Variants in FBXL17 observed in about 807,000 individuals in gnomAD.
FBXL17 encodes F-box/LRR-repeat protein 17.
In FBXL17, 22 loss-of-function variants were observed where a neutral mutation model predicts 66.2. The observed-to-expected ratio is 0.33, with a 90% CI of 0.24 to 0.47. The LOEUF (loss-of-function observed/expected upper bound fraction) is 0.47. Ranked by LOEUF, FBXL17 falls within the 20% of genes least tolerant of loss-of-function variation. The pLI, the probability that FBXL17 is intolerant of heterozygous loss-of-function variation, is 1.00. For synonymous variants in FBXL17, 474 were observed against 400.5 expected, an observed-to-expected ratio of 1.18 and a Z score of -2.19; for missense variants, 878 against 948.2, an observed-to-expected ratio of 0.93 and a Z score of 0.97.
intron 7 of FBXL17, among the ~76,000 whole-genome samples, chr5:107,978,807 C>T (rs1752689889): frequency 6.6e-6 from 1 of 152,180 alleles, no homozygotes; most frequent in South Asian, 2.1e-4. Flanking sequence ...ACTCTGTTGT[C>T]TTGCATGTGG....
chr5:107,985,748 A>G (rs1367201558), intron 7 of FBXL17, among the ~76,000 whole-genome samples: 5 of 152,224 alleles, frequency 3.3e-5, no homozygotes, highest in African/African-American at 7.2e-5. Flanking sequence ...TCAAAAAACA[A>G]TAACACCATG....
At chr5:108,359,775 G>A (rs73781338) in intron 3 of FBXL17, among the ~76,000 whole-genome samples, 10,366 of 152,064 alleles carry the variant, frequency 0.068, 1,202 homozygotes, top group African/African-American at 0.24. Context: ...TTCTTTTGTT[G>A]TTGAGTGTAC....
At chr5:107,910,222 A>G (rs1749904414) in intron 7 of FBXL17, among the ~76,000 whole-genome samples, 1 of 152,092 alleles carries the variant, frequency 6.6e-6, no homozygotes, top group Non-Finnish European at 1.5e-5. Flanking sequence ...AAATAATACA[A>G]TTGGGCCTGA....
At chr5:108,007,683 CACTTATGAACAATATTTAAAAAGTAT>C (rs1253673649) in intron 7 of FBXL17, among the ~76,000 whole-genome samples, 1 of 150,496 alleles carries the variant, frequency 6.6e-6, no homozygotes, top group African/African-American at 2.5e-5. Flanking sequence ...ATCAAGACCA[CACTTATGAACAATATTTAAAAAGTAT>C]ATTTTTTCAT....
chr5:108,115,804 G>A lies in FBXL17; in HGVS notation c.1745+70313C>T, dbSNP rs113139454. Among the ~76,000 whole-genome samples the A allele has an allele frequency of 1.2e-3, 176 of 152,304 alleles. 1 individual carries two copies. The highest frequency in any genetic ancestry group is 2.2e-3 in the Non-Finnish European group (149 of 68,022). ...AGAATTAGAGCTATCAGAGATCAAA[G>A]AGAAGGCCCCAAGATATCTTCTCAT... is the stretch of plus-strand genomic sequence containing the variant. On this transcript the variant is annotated intron_variant, in intron 6 of 8. Coordinates refer to ENST00000542267, the MANE Select transcript of FBXL17 (RefSeq NM_001163315.3).
At chr5:107,879,832 G>C in intron 8 of FBXL17, 1 of 985,446 alleles carries the variant, frequency 1.0e-6, no homozygotes. Context: ...TTTTCCAAGG[G>C]AAGCAGTCCC....
At chr5:108,310,675 T>G (rs1034346110) in intron 4 of FBXL17, among the ~76,000 whole-genome samples, 2 of 152,176 alleles carry the variant, frequency 1.3e-5, no homozygotes, top group African/African-American at 4.8e-5. Flanking sequence ...AAATTAAGAT[T>G]ATGTATGTTA....
At chr5:108,143,726 GAAAAAAAAA>G (rs67537467) in intron 6 of FBXL17, among the ~76,000 whole-genome samples, 64 of 107,526 alleles carry the variant, frequency 6.0e-4, no homozygotes, top group Admixed American at 1.2e-3. Flanking sequence ...GTTTTCATGG[GAAAAAAAAA>G]AAAAAAAAAA....
rs73778620 is a variant in FBXL17, at chr5:108,020,786, T to C, written c.1822+139A>G. The stretch of plus-strand genomic sequence containing the variant: ...TTAGCTCATAATTTTTTTATTTTTA[T>C]TTTTTGGTATGGTCACAATGAGCAT... On this transcript the variant is annotated intron_variant, in intron 7 of 8. Coordinates refer to ENST00000542267, the MANE Select transcript of FBXL17 (RefSeq NM_001163315.3). The C allele has an allele frequency of 0.016, 9,519 of 581,242 alleles. 713 individuals carry two copies. The highest frequency in any genetic ancestry group is 0.16 in the African/African-American group (8,358 of 53,680). The allele number at this position is 581,242 out of a possible 1,614,324, so 36.0% of individuals were successfully genotyped here.
At chr5:108,374,634 C>G (rs898280371) in intron 1 of FBXL17, among the ~76,000 whole-genome samples, 3 of 151,938 alleles carry the variant, frequency 2.0e-5, no homozygotes, top group African/African-American at 7.3e-5. Flanking sequence ...CATGATCACA[C>G]CACTGCACTC....
intron 6 of FBXL17, among the ~76,000 whole-genome samples, chr5:108,087,999 T>G (rs1749036751): frequency 6.6e-6 from 1 of 152,140 alleles, no homozygotes; most frequent in Admixed American, 6.6e-5. Flanking sequence ...TTATTGCCCG[T>G]TTTTATTAAA....
Position 108,100,077 on chromosome 5 carries a change from T to C in FBXL17, c.1746-79076A>G, listed in dbSNP as rs115487146. Among the ~76,000 whole-genome samples the C allele has an allele frequency of 5.4e-3, 828 of 152,308 alleles. 6 individuals are homozygous for C. Among genetic ancestry groups the C allele is most frequent in the African/African-American group, 0.019 (792 of 41,566 alleles). The stretch of plus-strand genomic sequence containing the variant: ...CTCAATGACCTAAGCATTTCAGGTA[T>C]CATACTATTTATAGTATGATTTTTA... On this transcript the variant is annotated intron_variant, in intron 6 of 8. Transcript: ENST00000542267.
At chr5:108,154,489 CT>C (rs1210369522) in intron 6 of FBXL17, among the ~76,000 whole-genome samples, 1 of 148,588 alleles carries the variant, frequency 6.7e-6, no homozygotes, top group African/African-American at 2.5e-5. Flanking sequence ...ACTCGGGAGT[CT>C]GAGGCAGGAG....
intron 7 of FBXL17, among the ~76,000 whole-genome samples, chr5:108,018,189 G>C (rs1754455328): frequency 6.6e-6 from 1 of 152,124 alleles, no homozygotes; most frequent in Non-Finnish European, 1.5e-5. Context: ...GTCTCTTAAA[G>C]GATGAATTTC....
chr5:108,089,681 CT>C (rs1749117179), intron 6 of FBXL17, among the ~76,000 whole-genome samples: 1 of 152,190 alleles, frequency 6.6e-6, no homozygotes, highest in African/African-American at 2.4e-5. Context: ...AGACCCACAG[CT>C]TTTTTCCCCT....
chr5:108,351,465 G>A (rs944086175), intron 3 of FBXL17, among the ~76,000 whole-genome samples: 4 of 152,112 alleles, frequency 2.6e-5, no homozygotes, highest in African/African-American at 9.7e-5. Context: ...TTAATAAACT[G>A]GATATTTTCA....
chr5:107,863,488 T>G (rs373354623), intron 8 of FBXL17, among the ~76,000 whole-genome samples: 1 of 151,268 alleles, frequency 6.6e-6, no homozygotes, highest in African/African-American at 2.4e-5. Flanking sequence ...CCCAGCAAAT[T>G]TGGATCACTG....
rs114427945 is a variant in FBXL17 at position 107,895,857 on chromosome 5, T to C, written c.1823-14678A>G. 1.4e-3 allele frequency among the ~76,000 whole-genome samples: 211 copies of C among 152,248 alleles called. 1 individual carries two copies. Among genetic ancestry groups the C allele is most frequent in the Non-Finnish European group, 2.3e-3 (158 of 68,014 alleles). ...CTCCCAGGTTTCTATGTTCAAGAGGTTACATGGTATTAATAACAATGATTT... is the reference window on the plus strand; with the variant it reads ...CTCCCAGGTTTCTATGTTCAAGAGGCTACATGGTATTAATAACAATGATTT... On this transcript the variant is annotated intron_variant, in intron 7 of 8. Transcript: ENST00000542267.
intron 6 of FBXL17, among the ~76,000 whole-genome samples, chr5:108,036,974 G>A (rs909408808): frequency 6.6e-6 from 1 of 152,212 alleles, no homozygotes; most frequent in Admixed American, 6.5e-5. Context: ...TAATAAAAGG[G>A]ATAAAAAGCT....
Sources: allele counts gnomAD v4.1 joint callset (sites outside exome capture counted in the v4.1 genomes callset), GRCh38; gene constraint gnomAD v4.1.1; transcripts MANE v1.5; gene names NCBI Gene and HGNC (gene_info 2026-07-23, HGNC 2026-07-21).